FAM13C: variants seen among roughly 807,000 people sequenced by gnomAD.
FAM13C encodes family with sequence similarity 13 member C, also known as protein FAM13C.
Under a neutral mutation model 73.2 loss-of-function variants are expected in FAM13C, and 37 were observed. That is an observed-to-expected ratio of 0.51 (90% CI 0.39 to 0.67). The LOEUF (loss-of-function observed/expected upper bound fraction) is 0.67. Ranked by LOEUF, FAM13C falls within the 30% of genes least tolerant of loss-of-function variation. The pLI is 0.00. For synonymous variants in FAM13C, 246 were observed against 260.9 expected (o/e 0.94, Z 0.55); for missense variants, 589 against 715.6 (o/e 0.82, Z 2.02).
At chr10:59,278,349 G>C (rs1239091215) in intron 6 of FAM13C, among the ~76,000 whole-genome samples, 2 of 152,152 alleles carry the variant, frequency 1.3e-5, no homozygotes, top group African/African-American at 4.8e-5. Flanking sequence ...TTCTTGTGCA[G>C]AATAAGAAAA....
intron 3 of FAM13C, 133 bp from the exon 4 acceptor site, chr10:59,324,239 G>T: frequency 1.5e-6 from 1 of 671,336 alleles, no homozygotes; most frequent in Non-Finnish European, 2.5e-6. Flanking sequence ...AGTGTGGGAA[G>T]GGAGCCAATT....
intron 3 of FAM13C, among the ~76,000 whole-genome samples, chr10:59,341,786 T>G (rs978907706): frequency 9.9e-5 from 15 of 152,090 alleles, no homozygotes; most frequent in African/African-American, 1.2e-4. Context: ...TAAAAATGAT[T>G]AATAACAAAA....
At chr10:59,302,519 T>C (rs553921129) in intron 5 of FAM13C, among the ~76,000 whole-genome samples, 4 of 152,328 alleles carry the variant, frequency 2.6e-5, no homozygotes, top group East Asian at 3.9e-4. Flanking sequence ...GCCACGGTTA[T>C]ACAATCCTGA....
At chr10:59,253,155 T>A (rs191367027) in intron 11 of FAM13C, among the ~76,000 whole-genome samples, 157 bp from the exon 12 acceptor site, 1 of 152,188 alleles carries the variant, frequency 6.6e-6, no homozygotes, top group Non-Finnish European at 1.5e-5. Flanking sequence ...CAAGAGGAGC[T>A]CTTCCGCAGT....
chr10:59,317,358 T>C (rs534734701), intron 4 of FAM13C, among the ~76,000 whole-genome samples: 1 of 152,286 alleles, frequency 6.6e-6, no homozygotes, highest in South Asian at 2.1e-4. Context: ...CTGTCTCCTA[T>C]AATCATTATT....
intron 3 of FAM13C, among the ~76,000 whole-genome samples, chr10:59,337,896 T>C (rs933055946): frequency 4.6e-5 from 7 of 151,892 alleles, no homozygotes; most frequent in African/African-American, 1.2e-4. Context: ...GCCCGCCTGG[T>C]CTCGAATTCC....
At chr10:59,254,251 T>C in intron 11 of FAM13C, 97 bp downstream of exon 11, 1 of 773,946 alleles carries the variant, frequency 1.3e-6, no homozygotes, top group South Asian at 3.0e-5. Flanking sequence ...CAGTATATAC[T>C]GCCATGAAGG....
At chr10:59,265,558 T>C (rs1589387209) in intron 8 of FAM13C, among the ~76,000 whole-genome samples, 1 of 152,202 alleles carries the variant, frequency 6.6e-6, no homozygotes, top group East Asian at 1.9e-4. Context: ...CACACCTTGT[T>C]GAACAATGCT....
At position 59,352,301 on chromosome 10, in the gene FAM13C, G is replaced by A. The variant is rs781269278; in HGVS notation, c.293C>T (p.Ala98Val). 3 of 1,614,094 alleles carry A rather than the reference G, an allele frequency of 1.9e-6. No individual in the cohort carries two copies. The highest frequency in any genetic ancestry group is 2.5e-6 in the Non-Finnish European group (3 of 1,180,016). ...TTCTCCGTGGCTCCTCCCGCTCTCCGCTTTGAAGATGGACTTGGGCTTCCT... is the reference window on the plus strand; with the variant it reads ...TTCTCCGTGGCTCCTCCCGCTCTCCACTTTGAAGATGGACTTGGGCTTCCT... ...KSRKPKSIFK[A>V]ESGRSHGESQ... is the part of the protein sequence containing the mutation. Residue 98 changes from alanine (A) to valine (V), a missense_variant, in exon 3 of 14, where the codon GCG (alanine) becomes GTG (valine). Coordinates refer to ENST00000618804, the MANE Select transcript of FAM13C (RefSeq NM_198215.4).
At chr10:59,307,274 A>C (rs1159227372) in intron 4 of FAM13C, among the ~76,000 whole-genome samples, 1 of 152,118 alleles carries the variant, frequency 6.6e-6, no homozygotes, top group Non-Finnish European at 1.5e-5. Context: ...GGCCACAGAT[A>C]AGGTCATGTG....
In FAM13C at chr10:59,352,293, C is replaced by T. The variant is rs1855153111; in HGVS notation, c.301G>A (p.Gly101Arg). ...KPKSIFKAES[G>R]RSHGESQETE... ...ACCTGACTTTCTCCGTGGCTCCTCC[C>T]GCTCTCCGCTTTGAAGATGGACTTG... Residue 101 changes from glycine (G) to arginine (R), a missense_variant, in exon 3 of 14, where the codon GGG (glycine) becomes AGG (arginine). Gly to Arg is a moderately radical substitution (Grantham distance 125). Coordinates refer to ENST00000618804, the MANE Select transcript of FAM13C (RefSeq NM_198215.4). The T allele has an allele frequency of 9.3e-6, 15 of 1,614,040 alleles. No homozygotes were observed. The highest frequency in any genetic ancestry group is 1.2e-5 in the Non-Finnish European group (14 of 1,180,008).
chr10:59,319,257 C>T (rs1166768857), intron 4 of FAM13C, among the ~76,000 whole-genome samples: 1 of 152,150 alleles, frequency 6.6e-6, no homozygotes, highest in African/African-American at 2.4e-5. Context: ...TAGTGGAGGC[C>T]ATCCAAGGCC....
intron 6 of FAM13C, among the ~76,000 whole-genome samples, chr10:59,271,138 A>T (rs1270225002): frequency 6.6e-6 from 1 of 152,196 alleles, no homozygotes; most frequent in Non-Finnish European, 1.5e-5. Flanking sequence ...AAGTTTGCTC[A>T]ACAGACAAGT....
intron 1 of FAM13C, among the ~76,000 whole-genome samples, chr10:59,357,397 C>T (rs1008619998): frequency 1.8e-4 from 27 of 152,144 alleles, no homozygotes; most frequent in Admixed American, 1.4e-3. Context: ...GTAGAAATAA[C>T]TGTAATTTAT....
At chr10:59,286,893 G>T (rs1339048211) in intron 5 of FAM13C, among the ~76,000 whole-genome samples, 1 of 151,418 alleles carries the variant, frequency 6.6e-6, no homozygotes, top group Non-Finnish European at 1.5e-5. Context: ...AATTAACCGG[G>T]TGTGGTGGCA....
At position 59,247,506 on chromosome 10, in the gene FAM13C, T is replaced by C. The variant is rs1840819440; in HGVS notation, c.*108A>G. 1.4e-6 allele frequency: 2 copies of C among 1,397,104 alleles called. No individual in the cohort carries two copies. Among genetic ancestry groups the C allele is most frequent in the South Asian group, 1.2e-5 (1 of 83,020 alleles). The allele number at this position is 1,397,104 out of a possible 1,614,324, so 86.5% of individuals were successfully genotyped here. ...TCTTAAAAACAGCTAATACTACCACTAAAGTGCTTCCATTTTCATTGTGTC... is the reference window on the plus strand; with the variant it reads ...TCTTAAAAACAGCTAATACTACCACCAAAGTGCTTCCATTTTCATTGTGTC... On this transcript the variant is annotated 3_prime_UTR_variant, in exon 14 of 14. Coordinates refer to ENST00000618804, the MANE Select transcript of FAM13C (RefSeq NM_198215.4).
chr10:59,359,425 AGACT>A (rs1168637234), intron 1 of FAM13C, among the ~76,000 whole-genome samples: 2 of 152,256 alleles, frequency 1.3e-5, no homozygotes, highest in Non-Finnish European at 2.9e-5. Context: ...GAGAGGCCTC[AGACT>A]GACTGTTAGA....
chr10:59,309,775 G>A (rs892409786), intron 4 of FAM13C, among the ~76,000 whole-genome samples: 1 of 152,162 alleles, frequency 6.6e-6, no homozygotes, highest in African/African-American at 2.4e-5. Context: ...GTGGAGCAAG[G>A]ACCATAGCAG....
At chr10:59,334,579 T>C (rs1034167175) in intron 3 of FAM13C, among the ~76,000 whole-genome samples, 1 of 151,932 alleles carries the variant, frequency 6.6e-6, no homozygotes, top group African/African-American at 2.4e-5. Flanking sequence ...TGTGCAGCCA[T>C]AAAAAAGGAT....
Sources: allele counts gnomAD v4.1 joint callset (sites outside exome capture counted in the v4.1 genomes callset), GRCh38; gene constraint gnomAD v4.1.1; transcripts MANE v1.5; gene names NCBI Gene and HGNC (gene_info 2026-07-23, HGNC 2026-07-21).